CHM: variants seen among roughly 807,000 people sequenced by gnomAD.
The protein encoded by CHM is rab proteins geranylgeranyltransferase component A 1.
CHM carries 10 observed loss-of-function variants against 49.0 expected under a neutral mutation model. The ratio of observed to expected loss-of-function variants is 0.20; its 90% confidence interval spans 0.13 to 0.35. The LOEUF is 0.35. CHM is among the 10% of genes least tolerant of loss of function. CHM has a pLI of 1.00. For missense variants in CHM, 455 were observed against 478.4 expected (o/e 0.95, Z 0.46); for synonymous variants, 184 against 167.5 (o/e 1.10, Z -0.76).
At chrX:85,970,225 T>C (rs1603266040) in intron 4 of CHM, 1 of 710,839 alleles carries the variant, frequency 1.4e-6, no homozygotes, top group Non-Finnish European at 1.7e-6. Flanking sequence ...TATGTATCAA[T>C]TTAAAAAATC....
chrX:85,998,323 A>C (rs749311630), intron 2 of CHM, among the ~76,000 whole-genome samples: 3 of 111,156 alleles, frequency 2.7e-5, no homozygotes, highest in Non-Finnish European at 5.7e-5. Flanking sequence ...ACTCTCCTTC[A>C]TCTGTCATGA....
At chrX:85,970,437 G>A in intron 4 of CHM, 1 of 753,530 alleles carries the variant, frequency 1.3e-6, no homozygotes, top group Non-Finnish European at 1.6e-6. Flanking sequence ...TTCACTTGGT[G>A]GAACGGTTGG....
At chrX:85,997,945 G>A (rs936295408) in intron 2 of CHM, among the ~76,000 whole-genome samples, 15 of 108,912 alleles carry the variant, frequency 1.4e-4, no homozygotes, top group Non-Finnish European at 2.5e-4. Flanking sequence ...GCGAGACTCC[G>A]TCTAAAAAAA....
Position 85,886,449 on chromosome X carries a change from G to A in CHM, c.1511-7386C>T, listed in dbSNP as rs191559292. 4.0e-4 allele frequency among the ~76,000 whole-genome samples: 45 copies of A among 112,139 alleles called. No homozygotes were observed. The East Asian group carries it at 5.6e-3, about 14-fold the overall frequency. On this transcript the variant is annotated intron_variant, in intron 12 of 14. Coordinates refer to ENST00000357749, the MANE Select transcript of CHM (RefSeq NM_000390.4). ...AGTAAAAGTAGTTAGGAAAGAGAATGACTGTGTAACATTCTAAACTATATA... is the reference window on the plus strand; with the variant it reads ...AGTAAAAGTAGTTAGGAAAGAGAATAACTGTGTAACATTCTAAACTATATA...
chrX:86,017,994 T>TA (rs1933378216), intron 2 of CHM, among the ~76,000 whole-genome samples: 1 of 111,697 alleles, frequency 9.0e-6, no homozygotes, highest in Non-Finnish European at 1.9e-5. Context: ...CTCTAACAAT[T>TA]AGAGAAAACA....
chrX:85,879,194 C>A lies in CHM; in HGVS notation c.1511-131G>T, dbSNP rs915484911. The A allele has an allele frequency of 6.2e-6, 3 of 485,997 alleles. No individual in the cohort carries two copies. The African/African-American group carries it at 7.1e-5, about 12-fold the overall frequency. The allele number at this position is 485,997 out of a possible 1,213,427, so 40.1% of individuals were successfully genotyped here. The stretch of plus-strand genomic sequence containing the variant: ...GGTGGTTACAACATTTGTTAACTAA[C>A]AGCTAAAGGAAGTACCCAACAAGTA... On this transcript the variant is annotated intron_variant, in intron 12 of 14. Transcript: ENST00000357749.
At chrX:86,002,233 T>A (rs1418686371) in intron 2 of CHM, among the ~76,000 whole-genome samples, 1 of 112,048 alleles carries the variant, frequency 8.9e-6, no homozygotes, top group Non-Finnish European at 1.9e-5. Flanking sequence ...TAGACTGTGC[T>A]AACAAAGAAA....
At chrX:85,960,384 C>G (rs759307558) in intron 5 of CHM, among the ~76,000 whole-genome samples, 71 of 110,881 alleles carry the variant, frequency 6.4e-4, no homozygotes, top group African/African-American at 2.2e-3. Flanking sequence ...GTTTCTGAAG[C>G]TCACAAATAA....
At chrX:85,938,816 A>G (rs747445717) in intron 8 of CHM, among the ~76,000 whole-genome samples, 51 of 109,505 alleles carry the variant, frequency 4.7e-4, no homozygotes, top group African/African-American at 1.5e-3. Flanking sequence ...AAGCTGATAT[A>G]TGTGTGTGTG....
At chrX:86,026,162 C>CAGGTTGT (rs1247252199) in intron 2 of CHM, among the ~76,000 whole-genome samples, 5 of 72,464 alleles carry the variant, frequency 6.9e-5, no homozygotes, top group Non-Finnish European at 9.5e-5. Context: ...CTCTGTCACC[C>CAGGTTGT]AGGTTGTAGT....
intron 12 of CHM, among the ~76,000 whole-genome samples, chrX:85,883,503 T>C (rs1924887676): frequency 9.0e-6 from 1 of 111,285 alleles, no homozygotes; most frequent in Non-Finnish European, 1.9e-5. Context: ...AAAAAGTCTA[T>C]AGTCGGCTTA....
At chrX:86,004,604 T>C (rs62607860) in intron 2 of CHM, among the ~76,000 whole-genome samples, 1 of 110,447 alleles carries the variant, frequency 9.1e-6, no homozygotes, top group South Asian at 3.8e-4. Flanking sequence ...AAAAGCAGGG[T>C]TTGCAATTCT....
chrX:85,903,744 C>T (rs749432977), intron 9 of CHM: 8 of 373,510 alleles, frequency 2.1e-5, no homozygotes, highest in Non-Finnish European at 4.3e-5. Flanking sequence ...AAGCGTGCCA[C>T]TGCTACTGTT....
intron 9 of CHM, among the ~76,000 whole-genome samples, chrX:85,903,109 T>G (rs1203955800): frequency 9.0e-6 from 1 of 111,568 alleles, no homozygotes; most frequent in Admixed American, 9.6e-5. Context: ...CATCTGCAAT[T>G]CACAGTCAAA....
chrX:86,015,604 G>T (rs1933263446), intron 2 of CHM, among the ~76,000 whole-genome samples: 1 of 111,869 alleles, frequency 8.9e-6, no homozygotes, highest in Non-Finnish European at 1.9e-5. Flanking sequence ...GAGATTTGTT[G>T]AATGACTTTG....
chrX:85,865,845 A>C (rs756723092), intron 14 of CHM, among the ~76,000 whole-genome samples: 25 of 111,992 alleles, frequency 2.2e-4, no homozygotes, highest in Non-Finnish European at 4.1e-4. Flanking sequence ...TGAACTTGAG[A>C]AAGATGATTT....
At chrX:85,959,198 T>C (rs1806283095) in intron 5 of CHM, among the ~76,000 whole-genome samples, 1 of 111,633 alleles carries the variant, frequency 9.0e-6, no homozygotes, top group African/African-American at 3.3e-5. Context: ...AAAACATGTT[T>C]AGCAGCAAAA....
intron 12 of CHM, among the ~76,000 whole-genome samples, chrX:85,884,548 T>C (rs1214162120): frequency 9.0e-6 from 1 of 111,297 alleles, no homozygotes; most frequent in African/African-American, 3.3e-5. Flanking sequence ...AGTATGTTAA[T>C]GAAATGTACC....
intron 1 of CHM, among the ~76,000 whole-genome samples, chrX:86,029,013 G>GC (rs772417491): frequency 8.9e-6 from 1 of 112,180 alleles, no homozygotes; most frequent in African/African-American, 3.2e-5. Flanking sequence ...TTAAACACAA[G>GC]CTCCAGCCTG....
Sources: allele counts gnomAD v4.1 joint callset (sites outside exome capture counted in the v4.1 genomes callset), GRCh38; gene constraint gnomAD v4.1.1; transcripts MANE v1.5; gene names NCBI Gene and HGNC (gene_info 2026-07-23, HGNC 2026-07-21).